The following RPA1 variants were observed in gnomAD, a reference collection of about 807,000 sequenced individuals.
RPA1 encodes the protein replication protein A 70 kDa DNA-binding subunit.
In RPA1, 49 loss-of-function variants were observed where a neutral mutation model predicts 83.0. The ratio of observed to expected loss-of-function variants is 0.59; its 90% CI spans 0.47 to 0.75. RPA1 has a LOEUF of 0.75. RPA1 is among the 30% of genes least tolerant of loss of function. The pLI is 0.00. For missense variants in RPA1, 693 were observed against 776.1 expected (o/e 0.89, Z 1.27); for synonymous variants, 279 against 281.8 (o/e 0.99, Z 0.10).
At chr17:1,832,529 G>A (rs1911658892) in intron 1 of RPA1, among the ~76,000 whole-genome samples, 1 of 152,028 alleles carries the variant, frequency 6.6e-6, no homozygotes, top group African/African-American at 2.4e-5. Context: ...TGAGAATACA[G>A]GAGACTGCCA....
At chr17:1,869,567 CT>C (rs1374691613) in intron 5 of RPA1, among the ~76,000 whole-genome samples, 1 of 151,968 alleles carries the variant, frequency 6.6e-6, no homozygotes, top group Non-Finnish European at 1.5e-5. Flanking sequence ...TATTTTCCCC[CT>C]AGGTCAAAGC....
chr17:1,868,457 A>G (rs1913265153), intron 5 of RPA1, among the ~76,000 whole-genome samples: 1 of 152,226 alleles, frequency 6.6e-6, no homozygotes, highest in South Asian at 2.1e-4. Flanking sequence ...ACAAATAGGC[A>G]GGAATTCCAA....
intron 13 of RPA1, among the ~76,000 whole-genome samples, chr17:1,886,596 C>T (rs1030567406): frequency 6.6e-6 from 1 of 152,170 alleles, no homozygotes; most frequent in Non-Finnish European, 1.5e-5. Context: ...CTTGCTGCAG[C>T]TTCTCCATCA....
At chr17:1,854,885 T>C (rs1912631650) in intron 5 of RPA1, among the ~76,000 whole-genome samples, 1 of 152,150 alleles carries the variant, frequency 6.6e-6, no homozygotes, top group Non-Finnish European at 1.5e-5. Context: ...GGAAAACAAA[T>C]GGCTAATACA....
intron 13 of RPA1, among the ~76,000 whole-genome samples, chr17:1,886,832 A>T (rs1161640747): frequency 6.6e-6 from 1 of 150,968 alleles, no homozygotes. Context: ...CCGTGCCCTG[A>T]CAGATTTTTG....
At chr17:1,854,870 T>C (rs1356755170) in intron 5 of RPA1, among the ~76,000 whole-genome samples, 1 of 152,192 alleles carries the variant, frequency 6.6e-6, no homozygotes, top group African/African-American at 2.4e-5. Context: ...TGGTTCACTA[T>C]AGAAGGAAAA....
intron 2 of RPA1, among the ~76,000 whole-genome samples, chr17:1,843,677 G>A (rs906961722): frequency 6.6e-6 from 1 of 150,464 alleles, no homozygotes; most frequent in Non-Finnish European, 1.5e-5. Flanking sequence ...TCAGGGGTGA[G>A]AACACAAGAG....
At chr17:1,862,650 C>T (rs1200545117) in intron 5 of RPA1, among the ~76,000 whole-genome samples, 3 of 147,868 alleles carry the variant, frequency 2.0e-5, no homozygotes, top group Non-Finnish European at 3.0e-5. Context: ...ATCCCCTGAC[C>T]TCAAGTGATC....
chr17:1,833,204 C>T (rs1911687984), intron 1 of RPA1, among the ~76,000 whole-genome samples: 1 of 152,242 alleles, frequency 6.6e-6, no homozygotes, highest in African/African-American at 2.4e-5. Context: ...GGATCACAGG[C>T]TTGAGCCACT....
intron 4 of RPA1, among the ~76,000 whole-genome samples, chr17:1,852,009 C>A (rs1256044061): frequency 6.6e-6 from 1 of 152,174 alleles, no homozygotes; most frequent in Non-Finnish European, 1.5e-5. Context: ...TTAAATATTG[C>A]CCTAGGCCTG....
intron 4 of RPA1, among the ~76,000 whole-genome samples, chr17:1,849,622 T>G (rs1013259691): frequency 6.6e-6 from 1 of 151,870 alleles, no homozygotes; most frequent in African/African-American, 2.4e-5. Context: ...CATTTTGTTT[T>G]TTTTTTTTTT....
intron 14 of RPA1, 144 bp downstream of exon 14, chr17:1,888,995 G>A (rs1256988623): frequency 1.4e-5 from 11 of 804,184 alleles, no homozygotes; most frequent in East Asian, 5.7e-5. Context: ...TTATCCATCC[G>A]CTTTTTCATG....
At position 1,844,689 on chromosome 17, in the gene RPA1, A is replaced by G; in HGVS notation, c.272+3A>G. The G allele has an allele frequency of 6.2e-7, 1 of 1,606,358 alleles. No homozygotes were observed. Among genetic ancestry groups the G allele is most frequent in the Non-Finnish European group, 8.5e-7 (1 of 1,173,710 alleles). The stretch of plus-strand genomic sequence containing the variant: ...GTGAACACTCTGAAAGACGGAAGGT[A>G]TGTGCTGTGTTTTTTTCTGTCTTAT... On this transcript the variant is annotated splice_donor_region_variant and intron_variant, in intron 4 of 16. Transcript: ENST00000254719.
At chr17:1,881,619 A>C (rs1464417557) in intron 12 of RPA1, among the ~76,000 whole-genome samples, 2 of 152,162 alleles carry the variant, frequency 1.3e-5, no homozygotes, top group Admixed American at 6.5e-5. Flanking sequence ...ATTTTCTTTT[A>C]GGCTCTGGAG....
At chr17:1,861,611 CTGTT>C (rs557102214) in intron 5 of RPA1, among the ~76,000 whole-genome samples, 2 of 152,328 alleles carry the variant, frequency 1.3e-5, no homozygotes, top group Non-Finnish European at 2.9e-5. Context: ...TGTTTCTTCT[CTGTT>C]TGTCTCCATA....
intron 5 of RPA1, among the ~76,000 whole-genome samples, chr17:1,855,913 T>C (rs1912675439): frequency 6.6e-6 from 1 of 152,156 alleles, no homozygotes; most frequent in South Asian, 2.1e-4. Flanking sequence ...GAGTAGACTT[T>C]GGTAGATTAT....
chr17:1,842,127 G>C (rs1271268634), intron 1 of RPA1, among the ~76,000 whole-genome samples: 2 of 151,956 alleles, frequency 1.3e-5, no homozygotes, highest in Non-Finnish European at 2.9e-5. Context: ...AAAGTGCTAG[G>C]ATTATAGGCA....
chr17:1,830,276 C>G (rs188602583), intron 1 of RPA1, 150 bp downstream of exon 1: 55 of 493,506 alleles, frequency 1.1e-4, no homozygotes, highest in Non-Finnish European at 1.6e-4. Flanking sequence ...GCCGGGCGTC[C>G]CTCTAGTGTC....
chr17:1,886,127 TCC>T (rs1913983120), intron 13 of RPA1, among the ~76,000 whole-genome samples: 1 of 142,984 alleles, frequency 7.0e-6, no homozygotes, highest in Non-Finnish European at 1.6e-5. Flanking sequence ...TATATTAATC[TCC>T]TCGTACTGTG....
Sources: gnomAD v4.1 joint callset for allele counts (sites outside exome capture counted in the v4.1 genomes callset) on GRCh38, gnomAD v4.1.1 for gene constraint, MANE v1.5 for transcripts, NCBI Gene and HGNC (gene_info 2026-07-23, HGNC 2026-07-21) for gene names.